The following ROBO2 variants were observed in gnomAD, a reference collection of about 807,000 sequenced individuals.
ROBO2 encodes the protein roundabout guidance receptor 2.
In ROBO2, 53 loss-of-function variants were observed where a neutral mutation model predicts 160.8. The observed-to-expected ratio is 0.33, with a 90% CI of 0.26 to 0.41. The LOEUF is 0.41. ROBO2 is among the 10% of genes least tolerant of loss of function. ROBO2 has a pLI of 1.00. For missense variants in ROBO2, 1,577 were observed against 1,722.4 expected (o/e 0.92, Z 1.49); for synonymous variants, 664 against 611.7 (o/e 1.09, Z -1.26).
intron 2 of ROBO2, among the ~76,000 whole-genome samples, chr3:77,285,397 C>A (rs994126656): frequency 3.9e-5 from 6 of 152,170 alleles, no homozygotes; most frequent in Middle Eastern, 3.2e-3. Context: ...CATAAAAAAA[C>A]CGTCTGCTAT....
intron 2 of ROBO2, among the ~76,000 whole-genome samples, chr3:76,308,404 A>C (rs981673416): frequency 2.0e-5 from 3 of 151,338 alleles, no homozygotes; most frequent in Non-Finnish European, 4.4e-5. Context: ...AAAAGAAAGA[A>C]AGAAAAGCAA....
intron 2 of ROBO2, among the ~76,000 whole-genome samples, chr3:76,343,610 A>G (rs2108204075): frequency 6.6e-6 from 1 of 152,016 alleles, no homozygotes; most frequent in Non-Finnish European, 1.5e-5. Flanking sequence ...CACCAACCTA[A>G]TATAAATATT....
At chr3:77,113,803 G>A (rs560507190) in intron 2 of ROBO2, among the ~76,000 whole-genome samples, 1 of 152,260 alleles carries the variant, frequency 6.6e-6, no homozygotes, top group Non-Finnish European at 1.5e-5. Context: ...GGGCATTAAC[G>A]GAAGCTTTCT....
chr3:77,607,179 G>A (rs899032675), intron 20 of ROBO2, among the ~76,000 whole-genome samples: 3 of 152,088 alleles, frequency 2.0e-5, no homozygotes, highest in Admixed American at 6.5e-5. Context: ...ATTATATGAT[G>A]TTATGCTTAA....
chr3:76,054,614 C>A (rs903892299), intron 2 of ROBO2, among the ~76,000 whole-genome samples: 5 of 152,108 alleles, frequency 3.3e-5, no homozygotes, highest in African/African-American at 1.2e-4. Flanking sequence ...TGGACATAAA[C>A]ATAGAGATAA....
chr3:77,139,597 T>G (rs546328721), intron 2 of ROBO2, among the ~76,000 whole-genome samples: 2 of 152,306 alleles, frequency 1.3e-5, no homozygotes, highest in Non-Finnish European at 2.9e-5. Context: ...TGAAACCAGC[T>G]CAAAGTTAAC....
At chr3:76,699,607 T>A (rs1244001875) in intron 2 of ROBO2, among the ~76,000 whole-genome samples, 2 of 152,160 alleles carry the variant, frequency 1.3e-5, no homozygotes, top group African/African-American at 4.8e-5. Context: ...GTTTCCTTTT[T>A]TAGTCCCATC....
intron 2 of ROBO2, among the ~76,000 whole-genome samples, chr3:77,256,796 G>A (rs1453437043): frequency 5.9e-5 from 9 of 152,308 alleles, no homozygotes; most frequent in South Asian, 2.1e-4. Flanking sequence ...TAAGCCAGCC[G>A]TCTTTCTCTC....
In ROBO2 at chr3:76,284,124, A is replaced by T. The variant is rs532828089; in HGVS notation, c.109+346522A>T. Among the ~76,000 whole-genome samples, 57 of 152,162 alleles carry T rather than the reference A, an allele frequency of 3.7e-4. 1 individual carries two copies. Among genetic ancestry groups the T allele is most frequent in the African/African-American group, 1.3e-3 (56 of 41,544 alleles). On this transcript the variant is annotated intron_variant, in intron 2 of 26. Coordinates refer to the ROBO2 transcript ENST00000487694. ...CTGTATGTTTTCACCTTTAAAAAAT[A>T]TAGATGTATAGGTCTCTTTGGGTAT...
intron 2 of ROBO2, among the ~76,000 whole-genome samples, chr3:76,676,854 T>C (rs1438714918): frequency 6.6e-6 from 1 of 152,248 alleles, no homozygotes; most frequent in East Asian, 1.9e-4. Flanking sequence ...TCTGTCCCTT[T>C]TTCTTATCAT....
intron 2 of ROBO2, among the ~76,000 whole-genome samples, chr3:77,308,899 T>C (rs1328891059): frequency 6.6e-6 from 1 of 152,188 alleles, no homozygotes; most frequent in African/African-American, 2.4e-5. Flanking sequence ...TAATCCAAGG[T>C]CAAGATTAAG....
chr3:77,358,025 A>G (rs1168607241), intron 2 of ROBO2, among the ~76,000 whole-genome samples: 3 of 152,170 alleles, frequency 2.0e-5, no homozygotes, highest in African/African-American at 7.2e-5. Context: ...TCCTCGTTGG[A>G]AATGCTAAAG....
chr3:76,089,192 A>T (rs1211882183), intron 2 of ROBO2, among the ~76,000 whole-genome samples: 4 of 152,092 alleles, frequency 2.6e-5, no homozygotes, highest in African/African-American at 9.6e-5. Flanking sequence ...CTTAATAGTT[A>T]ATCAGTTACC....
intron 2 of ROBO2, among the ~76,000 whole-genome samples, chr3:77,459,902 T>G: frequency 7.0e-6 from 1 of 143,874 alleles, no homozygotes; most frequent in South Asian, 2.3e-4. Flanking sequence ...TAGGCCAGGA[T>G]AAGGATTTTC....
intron 2 of ROBO2, among the ~76,000 whole-genome samples, chr3:77,145,690 G>T (rs1380275336): frequency 6.6e-6 from 1 of 152,084 alleles, no homozygotes; most frequent in African/African-American, 2.4e-5. Context: ...ATAATCGATG[G>T]AAAGACTTGA....
At position 77,558,201 on chromosome 3, in the gene ROBO2, T is replaced by C. The variant is rs758865743; in HGVS notation, c.1437+52T>C. 8 of 1,476,136 alleles carry C rather than the reference T, an allele frequency of 5.4e-6. No individual in the cohort carries two copies. In the South Asian group the frequency reaches 6.8e-5, roughly 13 times the overall value. 91.4% of individuals were successfully genotyped at this position (1,476,136 alleles called of 1,614,324 possible). A position where few individuals can be genotyped will look rare whatever the true frequency, so the allele number is the denominator to read the frequency against. ...ATTATCATCTACACATAAGTACTGC[T>C]CTATGGAAAAATTGCATAGTGAACT... On this transcript the variant is annotated intron_variant, in intron 9 of 25. Coordinates refer to ENST00000461745, the Ensembl canonical transcript of ROBO2.
intron 2 of ROBO2, among the ~76,000 whole-genome samples, chr3:77,302,633 A>G (rs2062760855): frequency 1.3e-5 from 2 of 152,216 alleles, no homozygotes; most frequent in South Asian, 4.1e-4. Context: ...TTCTTATTTA[A>G]CATGTTCCAG....
At chr3:77,174,280 A>G (rs754948189) in intron 2 of ROBO2, among the ~76,000 whole-genome samples, 4 of 151,992 alleles carry the variant, frequency 2.6e-5, no homozygotes, top group Non-Finnish European at 2.9e-5. Flanking sequence ...GTTGATTAAC[A>G]TTGCCTGAAG....
intron 2 of ROBO2, among the ~76,000 whole-genome samples, chr3:76,318,929 A>T (rs1294337988): frequency 6.6e-6 from 1 of 152,186 alleles, no homozygotes; most frequent in Non-Finnish European, 1.5e-5. Context: ...AGATTATGTG[A>T]ATCAGATAAT....
Sources: allele counts gnomAD v4.1 joint callset (sites outside exome capture counted in the v4.1 genomes callset), GRCh38; gene constraint gnomAD v4.1.1; transcripts MANE v1.5; gene names NCBI Gene and HGNC (gene_info 2026-07-23, HGNC 2026-07-21).